Variants in NAALADL2 observed in about 807,000 individuals in gnomAD.
NAALADL2 encodes inactive N-acetylated-alpha-linked acidic dipeptidase-like protein 2.
A neutral mutation model predicts 87.2 loss-of-function variants in NAALADL2; 76 were observed. That is an observed-to-expected ratio of 0.87 (90% CI 0.72 to 1.05). The LOEUF is 1.05. Ranked by LOEUF, NAALADL2 falls within the 50% of genes least tolerant of loss-of-function variation. The pLI, the probability that NAALADL2 is intolerant of heterozygous loss-of-function variation, is 0.00. For synonymous variants in NAALADL2, 354 were observed against 331.0 expected, an observed-to-expected ratio of 1.07 and a Z score of -0.75; for missense variants, 1,089 against 945.8, an observed-to-expected ratio of 1.15 and a Z score of -1.99.
chr3:175,446,661 C>T (rs928850642), intron 5 of NAALADL2, among the ~76,000 whole-genome samples: 7 of 152,200 alleles, frequency 4.6e-5, no homozygotes, highest in Non-Finnish European at 5.9e-5. Context: ...TGACTGGGTA[C>T]ATGAGGATTC....
chr3:175,697,701 TTTA>T (rs199665151), intron 11 of NAALADL2, among the ~76,000 whole-genome samples: 2,462 of 149,808 alleles, frequency 0.016, 73 homozygotes, highest in South Asian at 0.13. Flanking sequence ...TATTATTAAA[TTTA>T]TTATTATTTA....
intron 4 of NAALADL2, 147 bp from the exon 5 acceptor site, chr3:175,324,028 C>CAA (rs372517580): frequency 2.5e-3 from 1,092 of 433,582 alleles, no homozygotes; most frequent in Middle Eastern, 5.3e-3. Context: ...AAAAAACAAA[C>CAA]AAAAAAAAAA....
In NAALADL2 at chr3:174,797,312, T is replaced by C. The variant is rs796958545; in HGVS notation, c.-9+59566T>C. 3.6e-3 allele frequency among the ~76,000 whole-genome samples: 448 copies of C among 123,536 alleles called. 1 individual carries two copies. The highest frequency in any genetic ancestry group is 7.4e-3 in the Middle Eastern group (2 of 272). The allele number at this position is 123,536 out of a possible 152,430, so 81.0% of individuals were successfully genotyped here. A position where few individuals can be genotyped will look rare whatever the true frequency, so the allele number is the denominator to read the frequency against. ...CTTTTGTTTTTCTTTTTTCTTTTTT[T>C]TTTTTTTTTTTTTTTTTGAGACAGA... On this transcript the variant is annotated intron_variant, in intron 3 of 3. Transcript: ENST00000434257.
At chr3:175,524,331 A>G (rs1434434824) in intron 9 of NAALADL2, among the ~76,000 whole-genome samples, 1 of 152,226 alleles carries the variant, frequency 6.6e-6, no homozygotes, top group Non-Finnish European at 1.5e-5. Context: ...AAACAGTGAC[A>G]TTAGTAATGA....
chr3:174,905,782 G>A (rs183901236), intron 1 of NAALADL2, among the ~76,000 whole-genome samples: 3 of 152,050 alleles, frequency 2.0e-5, no homozygotes, highest in Admixed American at 6.6e-5. Flanking sequence ...AGGGGCAACC[G>A]ACTTCTGAGA....
intron 2 of NAALADL2, among the ~76,000 whole-genome samples, chr3:174,694,915 A>G (rs1728887985): frequency 6.6e-6 from 1 of 151,932 alleles, no homozygotes; most frequent in Non-Finnish European, 1.5e-5. Flanking sequence ...CCAAATCTTG[A>G]GGCACCTCTA....
intron 1 of NAALADL2, among the ~76,000 whole-genome samples, chr3:174,948,321 C>T (rs1468796002): frequency 2.6e-5 from 4 of 152,030 alleles, no homozygotes; most frequent in Admixed American, 2.0e-4. Context: ...GGACTATAGG[C>T]GTGTGCCACC....
chr3:175,378,243 G>A (rs916799784), intron 5 of NAALADL2, among the ~76,000 whole-genome samples: 5 of 152,152 alleles, frequency 3.3e-5, no homozygotes. Flanking sequence ...ACTCCCACAA[G>A]GGGTGGAGCA....
chr3:175,378,242 A>G (rs1423260096), intron 5 of NAALADL2, among the ~76,000 whole-genome samples: 4 of 152,086 alleles, frequency 2.6e-5, no homozygotes, highest in African/African-American at 9.7e-5. Context: ...CACTCCCACA[A>G]GGGGTGGAGC....
intron 2 of NAALADL2, among the ~76,000 whole-genome samples, chr3:175,101,563 T>C (rs979931399): frequency 1.3e-5 from 2 of 152,250 alleles, no homozygotes; most frequent in Non-Finnish European, 2.9e-5. Context: ...ACATATATAA[T>C]TGCTGTTTTG....
intron 2 of NAALADL2, among the ~76,000 whole-genome samples, chr3:174,562,199 C>G (rs1713705918): frequency 1.3e-5 from 2 of 152,098 alleles, no homozygotes; most frequent in South Asian, 2.1e-4. Context: ...TTCTACTTAA[C>G]TCAACTATTA....
chr3:174,809,629 A>AG (rs1198737121), intron 3 of NAALADL2, among the ~76,000 whole-genome samples: 2 of 147,170 alleles, frequency 1.4e-5, no homozygotes. Flanking sequence ...CTTCAAAAAA[A>AG]CACACTGAAA....
chr3:175,670,718 T>C (rs931182967), intron 11 of NAALADL2, among the ~76,000 whole-genome samples: 3 of 151,018 alleles, frequency 2.0e-5, no homozygotes, highest in East Asian at 1.9e-4. Flanking sequence ...CTGGTTATTC[T>C]TGACTCATGG....
chr3:175,061,001 G>A (rs1412003262), intron 1 of NAALADL2, among the ~76,000 whole-genome samples: 4 of 152,108 alleles, frequency 2.6e-5, no homozygotes, highest in Non-Finnish European at 4.4e-5. Context: ...AGCTGAGATC[G>A]TGCCATTGCA....
chr3:175,205,126 A>T (rs1740630268), intron 2 of NAALADL2, among the ~76,000 whole-genome samples: 1 of 152,170 alleles, frequency 6.6e-6, no homozygotes, highest in African/African-American at 2.4e-5. Context: ...TATGGAACCA[A>T]AAAAGTGTCC....
At chr3:175,780,719 G>C (rs977021051) in intron 13 of NAALADL2, among the ~76,000 whole-genome samples, 1 of 152,044 alleles carries the variant, frequency 6.6e-6, no homozygotes, top group Non-Finnish European at 1.5e-5. Context: ...AAAAGATAAA[G>C]CAAAATTTAC....
chr3:174,750,271 C>T (rs1349048885), intron 3 of NAALADL2, among the ~76,000 whole-genome samples: 35 of 152,172 alleles, frequency 2.3e-4, no homozygotes, highest in Admixed American at 2.3e-3. Flanking sequence ...GCAAATATCG[C>T]CAGCCTATTG....
At chr3:174,676,295 G>A (rs1410920940) in intron 2 of NAALADL2, among the ~76,000 whole-genome samples, 1 of 152,006 alleles carries the variant, frequency 6.6e-6, no homozygotes, top group East Asian at 1.9e-4. Context: ...ATTGTGGTAA[G>A]GCTTTAGTCA....
intron 5 of NAALADL2, among the ~76,000 whole-genome samples, chr3:175,375,895 G>A (rs1023916611): frequency 4.6e-5 from 7 of 151,582 alleles, no homozygotes; most frequent in African/African-American, 1.7e-4. Flanking sequence ...CTCCTCTATT[G>A]ACATTTTAGC....
Sources: allele counts gnomAD v4.1 joint callset (sites outside exome capture counted in the v4.1 genomes callset), GRCh38; gene constraint gnomAD v4.1.1; transcripts MANE v1.5; gene names NCBI Gene and HGNC (gene_info 2026-07-23, HGNC 2026-07-21).